The following FKTN variants were observed in gnomAD, a reference collection of about 807,000 sequenced individuals.
The protein encoded by FKTN is ribitol-5-phosphate transferase FKTN.
A neutral mutation model predicts 58.6 loss-of-function variants in FKTN; 47 were observed. The observed-to-expected ratio is 0.80, with a 90% confidence interval of 0.63 to 1.02. The LOEUF (loss-of-function observed/expected upper bound fraction) is 1.02, where lower values mean the gene tolerates loss of function less well. Among genes scored for constraint, FKTN ranks in the 50% least tolerant of loss-of-function variants. The pLI, the probability that FKTN is intolerant of heterozygous loss-of-function variation, is 0.00. For synonymous variants in FKTN, 178 were observed against 191.9 expected, an observed-to-expected ratio of 0.93 and a Z score of 0.60; for missense variants, 516 against 537.3, an observed-to-expected ratio of 0.96 and a Z score of 0.39.
intron 10 of FKTN, among the ~76,000 whole-genome samples, chr9:105,632,269 G>C (rs1833551476): frequency 6.6e-6 from 1 of 151,988 alleles, no homozygotes. Context: ...GGACTGTTGT[G>C]GGGTGGTGGG....
chr9:105,568,746 C>G (rs1368454864), intron 1 of FKTN, among the ~76,000 whole-genome samples: 1 of 152,142 alleles, frequency 6.6e-6, no homozygotes, highest in Non-Finnish European at 1.5e-5. Context: ...CCTCTGGGAT[C>G]TAGAACTAGA....
At chr9:105,570,812 TC>T (rs1291947530) in intron 1 of FKTN, among the ~76,000 whole-genome samples, 4 of 152,142 alleles carry the variant, frequency 2.6e-5, no homozygotes, top group African/African-American at 9.7e-5. Flanking sequence ...ATTGAAGACT[TC>T]CTTGAAGAAG....
At chr9:105,564,559 T>C (rs531650376) in intron 1 of FKTN, among the ~76,000 whole-genome samples, 2 of 152,198 alleles carry the variant, frequency 1.3e-5, no homozygotes, top group African/African-American at 4.8e-5. Context: ...TGATGGAAGA[T>C]CAAATGAATG....
chr9:105,574,988 G>A lies in FKTN; in HGVS notation c.-45G>A, dbSNP rs77013649. On this transcript the variant is annotated 5_prime_UTR_variant, in exon 3 of 11. Coordinates refer to ENST00000357998, the MANE Select transcript of FKTN (RefSeq NM_001079802.2). ...TTTCCAAATCCAAAAAGATGAAAAC[G>A]ACTGAGATACTTTCAAAAGACAACC... The A allele has an allele frequency of 6.9e-6, 7 of 1,013,854 alleles. No individual in the cohort carries two copies. In the African/African-American group the frequency reaches 9.5e-5, roughly 14 times the overall value. The allele number at this position is 1,013,854 out of a possible 1,614,324, so 62.8% of individuals were successfully genotyped here.
chr9:105,622,972 T>C (rs1832221813), intron 10 of FKTN: 2 of 152,120 alleles, frequency 1.3e-5, no homozygotes, highest in African/African-American at 4.8e-5. Context: ...CACTTCTTTA[T>C]AGGAAGCCCT....
intron 10 of FKTN, among the ~76,000 whole-genome samples, chr9:105,630,140 T>C (rs957858350): frequency 6.6e-6 from 1 of 152,040 alleles, no homozygotes. Flanking sequence ...ACATGGCACA[T>C]GTATACATAT....
chr9:105,592,955 G>C (rs780611444), intron 3 of FKTN, among the ~76,000 whole-genome samples: 35 of 152,096 alleles, frequency 2.3e-4, no homozygotes, highest in Admixed American at 1.1e-3. Flanking sequence ...CTATTACCCA[G>C]TTCCAAAGTT....
At chr9:105,580,068 G>C (rs1037448238) in intron 3 of FKTN, among the ~76,000 whole-genome samples, 20 of 151,862 alleles carry the variant, frequency 1.3e-4, no homozygotes, top group Non-Finnish European at 2.2e-4. Context: ...GTCTCTGCAC[G>C]TGAGATGGGT....
chr9:105,574,817 G>A, intron 2 of FKTN, 128 bp from the exon 3 acceptor site: 1 of 505,272 alleles, frequency 2.0e-6, no homozygotes, highest in Non-Finnish European at 3.5e-6. Flanking sequence ...TATTTCTTTA[G>A]CATAGACAAT....
At position 105,640,213 on chromosome 9, in the gene FKTN, A is replaced by G. The variant is rs1253296875; in HGVS notation, c.*4949A>G. ...AATTCAATGGCAATACCTTTTGTAT[A>G]GGTCCTGTGCTTAAAGGAGGCAAGT... On this transcript the variant is annotated 3_prime_UTR_variant, in exon 11 of 11. Transcript: ENST00000357998. 2.7e-6 allele frequency: 4 copies of G among 1,507,548 alleles called. No individual in the cohort carries two copies. The highest frequency in any genetic ancestry group is 3.5e-6 in the Non-Finnish European group (4 of 1,130,604). The allele number at this position is 1,507,548 out of a possible 1,614,324, so 93.4% of individuals were successfully genotyped here. A position where few individuals can be genotyped will look rare whatever the true frequency, so the allele number is the denominator to read the frequency against.
Position 105,636,414 on chromosome 9 carries a change from T to G in FKTN, c.*1150T>G. On this transcript the variant is annotated 3_prime_UTR_variant, in exon 11 of 11. Transcript: ENST00000357998. ...TGACAACTATTCACCCTACCTCAGATCATAGAGTTTGTAAAGTTTGTGTCC... is the reference window on the plus strand; with the variant it reads ...TGACAACTATTCACCCTACCTCAGAGCATAGAGTTTGTAAAGTTTGTGTCC... 1 of 990,766 alleles carries G rather than the reference T, an allele frequency of 1.0e-6. No homozygotes were observed. The highest frequency in any genetic ancestry group is 1.1e-4 in the East Asian group (1 of 9,224). The allele number at this position is 990,766 out of a possible 1,614,324, so 61.4% of individuals were successfully genotyped here. A position where few individuals can be genotyped will look rare whatever the true frequency, so the allele number is the denominator to read the frequency against.
chr9:105,639,516 A>G lies in FKTN; in HGVS notation c.*4252A>G, dbSNP rs1157078051. ...CTTAGCCTCAGGCCTAGGATTAAGT[A>G]AGTACTCAAGAAATGTGCAATTTTC... On this transcript the variant is annotated 3_prime_UTR_variant, in exon 11 of 11. Coordinates refer to ENST00000357998, the MANE Select transcript of FKTN (RefSeq NM_001079802.2). 5.6e-6 allele frequency: 5 copies of G among 887,320 alleles called. No homozygotes were observed. The highest frequency in any genetic ancestry group is 6.8e-6 in the Non-Finnish European group (5 of 740,660). The allele number at this position is 887,320 out of a possible 1,614,324, so 55.0% of individuals were successfully genotyped here.
At chr9:105,579,185 A>C (rs1214753362) in intron 3 of FKTN, among the ~76,000 whole-genome samples, 2 of 151,870 alleles carry the variant, frequency 1.3e-5, no homozygotes, top group East Asian at 1.9e-4. Flanking sequence ...CTCTGATCTT[A>C]GTTATTTCTT....
intron 6 of FKTN, among the ~76,000 whole-genome samples, chr9:105,607,417 A>G (rs1330627170): frequency 6.6e-6 from 1 of 152,136 alleles, no homozygotes; most frequent in African/African-American, 2.4e-5. Context: ...ATATAAATAC[A>G]TTAACCAAAA....
At chr9:105,623,781 C>T (rs1205842578) in intron 10 of FKTN, among the ~76,000 whole-genome samples, 2 of 152,120 alleles carry the variant, frequency 1.3e-5, no homozygotes, top group African/African-American at 4.8e-5. Context: ...TGTTAAAGTA[C>T]TCTGATAGCA....
chr9:105,633,525 T>C (rs887485751), intron 10 of FKTN: 3 of 152,230 alleles, frequency 2.0e-5, no homozygotes, highest in African/African-American at 7.2e-5. Flanking sequence ...AGGCTGGTGA[T>C]GGATTGTTAG....
rs1007254263 is a variant in FKTN, at chr9:105,632,185, G to A, written c.1173-2866G>A. Among the ~76,000 whole-genome samples the A allele has an allele frequency of 4.9e-4, 74 of 151,254 alleles. 1 individual carries two copies. Among genetic ancestry groups the A allele is most frequent in the African/African-American group, 1.7e-3 (72 of 41,368 alleles). ...TCGCAAGAACAAAAAACCAAACACCGCATATTCTCACTCATAGGTGGGAAC... is the reference window on the plus strand; with the variant it reads ...TCGCAAGAACAAAAAACCAAACACCACATATTCTCACTCATAGGTGGGAAC... On this transcript the variant is annotated intron_variant, in intron 10 of 10. Transcript: ENST00000357998.
Position 105,636,587 on chromosome 9 carries a change from C to T in FKTN, c.*1323C>T, listed in dbSNP as rs75764875. The T allele has an allele frequency of 1.9e-3, 2,075 of 1,114,046 alleles. 36 individuals carry two copies. The African/African-American group carries it at 0.032, about 17-fold the overall frequency. 69.0% of individuals were successfully genotyped at this position (1,114,046 alleles called of 1,614,324 possible). ...AGGATGCTGTTTACCCCATCTCTCT[C>T]TTATATCACTTGAATGATATATTGT... is the stretch of plus-strand genomic sequence containing the variant. On this transcript the variant is annotated 3_prime_UTR_variant, in exon 11 of 11. Coordinates refer to ENST00000357998, the MANE Select transcript of FKTN (RefSeq NM_001079802.2).
intron 10 of FKTN, among the ~76,000 whole-genome samples, chr9:105,634,138 GTT>G (rs981577391): frequency 1.4e-5 from 2 of 145,364 alleles, no homozygotes; most frequent in Non-Finnish European, 1.5e-5. Context: ...TGTTTGTTTT[GTT>G]TTTTTTTTTG....
Sources: allele counts gnomAD v4.1 joint callset (sites outside exome capture counted in the v4.1 genomes callset), GRCh38; gene constraint gnomAD v4.1.1; transcripts MANE v1.5; gene names NCBI Gene and HGNC (gene_info 2026-07-23, HGNC 2026-07-21).